LRCH1: variants seen among roughly 807,000 people sequenced by gnomAD.
The protein encoded by LRCH1 is leucine-rich repeat and calponin homology domain-containing protein 1.
LRCH1 carries 23 observed loss-of-function variants against 94.9 expected under a neutral mutation model. The observed-to-expected ratio is 0.24, with a 90% CI of 0.17 to 0.34. LRCH1 has a LOEUF of 0.34. Ranked by LOEUF, LRCH1 falls within the 10% of genes least tolerant of loss-of-function variation. LRCH1 has a pLI of 1.00. For missense variants in LRCH1, 790 were observed against 945.9 expected (o/e 0.84, Z 2.16); for synonymous variants, 364 against 354.9 (o/e 1.03, Z -0.29).
At chr13:46,571,449 G>A (rs2050239629) in intron 1 of LRCH1, among the ~76,000 whole-genome samples, 1 of 152,212 alleles carries the variant, frequency 6.6e-6, no homozygotes, top group Non-Finnish European at 1.5e-5. Flanking sequence ...ATTGCTTTTT[G>A]TGCTCTCAGA....
intron 1 of LRCH1, among the ~76,000 whole-genome samples, chr13:46,558,682 G>A (rs947965590): frequency 4.0e-5 from 6 of 150,870 alleles, no homozygotes; most frequent in Non-Finnish European, 5.9e-5. Context: ...GTAGTGAGCC[G>A]AGGTTGCGCC....
At chr13:46,692,012 A>G (rs1375161551) in intron 7 of LRCH1, among the ~76,000 whole-genome samples, 1 of 152,166 alleles carries the variant, frequency 6.6e-6, no homozygotes, top group East Asian at 1.9e-4. Flanking sequence ...TCAAACAACC[A>G]GATCTCACAT....
intron 16 of LRCH1, among the ~76,000 whole-genome samples, chr13:46,718,892 T>G (rs1447316646): frequency 9.5e-6 from 1 of 105,142 alleles, no homozygotes; most frequent in African/African-American, 3.2e-5. Flanking sequence ...AATTTAGGTA[T>G]AAATATTTTT....
chr13:46,681,345 A>C (rs572042083), intron 3 of LRCH1, among the ~76,000 whole-genome samples: 3 of 152,312 alleles, frequency 2.0e-5, no homozygotes, highest in Admixed American at 6.5e-5. Flanking sequence ...TTCTAGTGTT[A>C]ACTCTGGCAC....
intron 1 of LRCH1, among the ~76,000 whole-genome samples, chr13:46,575,716 A>T (rs183257161): frequency 6.6e-6 from 1 of 152,322 alleles, no homozygotes; most frequent in African/African-American, 2.4e-5. Flanking sequence ...CATGGGATGG[A>T]TTTAAATGGA....
intron 1 of LRCH1, among the ~76,000 whole-genome samples, chr13:46,558,202 T>C (rs2050087568): frequency 6.6e-6 from 1 of 152,132 alleles, no homozygotes; most frequent in Non-Finnish European, 1.5e-5. Flanking sequence ...CATGAGATGC[T>C]AAATAACAGT....
chr13:46,700,100 G>T (rs1171426788), intron 10 of LRCH1, among the ~76,000 whole-genome samples: 3 of 152,084 alleles, frequency 2.0e-5, no homozygotes, highest in African/African-American at 7.2e-5. Context: ...CAGGGGAGGG[G>T]GTGTGTGATC....
intron 10 of LRCH1, among the ~76,000 whole-genome samples, chr13:46,700,377 C>T (rs1157733762): frequency 6.6e-6 from 1 of 152,154 alleles, no homozygotes; most frequent in Non-Finnish European, 1.5e-5. Flanking sequence ...TGGAAAGTTC[C>T]TCTCTGGTCA....
At chr13:46,667,517 G>A (rs1194334747) in intron 2 of LRCH1, among the ~76,000 whole-genome samples, 3 of 102,292 alleles carry the variant, frequency 2.9e-5, no homozygotes, top group Non-Finnish European at 6.5e-5. Context: ...CACACACCGG[G>A]GCCTGTCGTG....
chr13:46,666,044 T>G (rs868258402), intron 2 of LRCH1, among the ~76,000 whole-genome samples: 5 of 152,282 alleles, frequency 3.3e-5, no homozygotes, highest in Middle Eastern at 3.4e-3. Flanking sequence ...ATAAAATATA[T>G]GAAGTAGAGG....
intron 1 of LRCH1, among the ~76,000 whole-genome samples, chr13:46,622,364 T>C (rs1566182433): frequency 6.6e-6 from 1 of 152,156 alleles, no homozygotes; most frequent in Non-Finnish European, 1.5e-5. Context: ...ATTAAATAGA[T>C]TTTCATTCAC....
intron 2 of LRCH1, among the ~76,000 whole-genome samples, chr13:46,661,145 C>T (rs544987062): frequency 2.6e-5 from 4 of 152,172 alleles, no homozygotes; most frequent in African/African-American, 9.6e-5. Context: ...ACGTTTTATT[C>T]CAGAGGAAAT....
chr13:46,613,893 C>T (rs531306123), intron 1 of LRCH1, among the ~76,000 whole-genome samples: 26 of 152,218 alleles, frequency 1.7e-4, no homozygotes, highest in Middle Eastern at 3.4e-3. Context: ...AAACATTAGC[C>T]GGTTATTTTG....
chr13:46,614,673 G>A lies in LRCH1; in HGVS notation c.308-35528G>A, dbSNP rs189749800. ...TGTTTTTCATTTGAAAATGAATGCT[G>A]TGTATTCTCCTTGTTTCAATTCCCT... On this transcript the variant is annotated intron_variant, in intron 1 of 19. Coordinates refer to ENST00000389797, the MANE Select transcript of LRCH1 (RefSeq NM_001164211.2). Among the ~76,000 whole-genome samples the A allele has an allele frequency of 9.1e-4, 139 of 152,228 alleles. 1 individual carries two copies. Among genetic ancestry groups the A allele is most frequent in the Middle Eastern group, 6.8e-3 (2 of 294 alleles).
chr13:46,601,138 C>T (rs1226481613), intron 1 of LRCH1, among the ~76,000 whole-genome samples: 1 of 152,248 alleles, frequency 6.6e-6, no homozygotes, highest in African/African-American at 2.4e-5. Context: ...ACAACATCAC[C>T]TACCTCATGG....
intron 3 of LRCH1, among the ~76,000 whole-genome samples, chr13:46,675,154 C>G (rs2051654239): frequency 6.6e-6 from 1 of 152,208 alleles, no homozygotes; most frequent in Non-Finnish European, 1.5e-5. Context: ...TCTTTTACTG[C>G]TAAACCATGC....
chr13:46,651,789 C>T lies in LRCH1; in HGVS notation c.452+1444C>T, dbSNP rs533433852. On this transcript the variant is annotated intron_variant, in intron 2 of 19. Transcript: ENST00000389797. ...CATCTCAGCTCACTGCAAGCTCCGC[C>T]TCCCGGGTTCACACCATTCTCCTGC... Among the ~76,000 whole-genome samples, 707 of 151,434 alleles carry T rather than the reference C, an allele frequency of 4.7e-3. 5 individuals carry two copies. Among genetic ancestry groups the T allele is most frequent in the African/African-American group, 0.015 (602 of 41,342 alleles).
chr13:46,694,370 C>T (rs1871065636), intron 8 of LRCH1, among the ~76,000 whole-genome samples: 1 of 152,136 alleles, frequency 6.6e-6, no homozygotes, highest in Non-Finnish European at 1.5e-5. Context: ...TCTGTGTGGC[C>T]CTTCTTGTAG....
At chr13:46,633,817 T>G (rs2051047690) in intron 1 of LRCH1, among the ~76,000 whole-genome samples, 1 of 151,880 alleles carries the variant, frequency 6.6e-6, no homozygotes, top group African/African-American at 2.4e-5. Flanking sequence ...GGCATGAATA[T>G]CTAAACTGAT....
Sources: allele counts gnomAD v4.1 joint callset (sites outside exome capture counted in the v4.1 genomes callset), GRCh38; gene constraint gnomAD v4.1.1; transcripts MANE v1.5; gene names NCBI Gene and HGNC (gene_info 2026-07-23, HGNC 2026-07-21).